Variants in SYNCRIP observed in about 807,000 individuals in gnomAD.
SYNCRIP encodes synaptotagmin binding cytoplasmic RNA interacting protein, also known as heterogeneous nuclear ribonucleoprotein Q.
A neutral mutation model predicts 68.9 loss-of-function variants in SYNCRIP; 9 were observed. The ratio of observed to expected loss-of-function variants is 0.13; its 90% confidence interval spans 0.08 to 0.23. SYNCRIP has a LOEUF of 0.23. Among genes scored for constraint, SYNCRIP ranks in the 10% least tolerant of loss-of-function variants. The pLI, the probability that SYNCRIP is intolerant of heterozygous loss-of-function variation, is 1.00. For synonymous variants in SYNCRIP, 258 were observed against 254.0 expected (o/e 1.02, Z -0.15); for missense variants, 414 against 770.6 (o/e 0.54, Z 5.48).
downstream of SYNCRIP, among the ~76,000 whole-genome samples, chr6:85,613,190 T>TA (rs1195488649): frequency 4.7e-3 from 668 of 141,688 alleles, 2 homozygotes; most frequent in East Asian, 9.3e-3. Context: ...TGATTTTATT[T>TA]AAAAAAAAAA....
intron 4 of SYNCRIP, among the ~76,000 whole-genome samples, chr6:85,637,927 A>T (rs1234223464): frequency 6.6e-6 from 1 of 152,206 alleles, no homozygotes; most frequent in Non-Finnish European, 1.5e-5. Flanking sequence ...CTTCAGAAAA[A>T]AGTAACAGCC....
downstream of SYNCRIP, chr6:85,609,057 G>A (rs1805043483): frequency 6.6e-6 from 1 of 151,468 alleles, no homozygotes; most frequent in Non-Finnish European, 1.5e-5. Context: ...TTTCTTTTAT[G>A]TATTTGTCAC....
chr6:85,633,663 T>C (rs1395095444), intron 6 of SYNCRIP, among the ~76,000 whole-genome samples: 1 of 152,272 alleles, frequency 6.6e-6, no homozygotes, highest in African/African-American at 2.4e-5. Flanking sequence ...TGTATACCAA[T>C]ACCTACCATT....
chr6:85,636,551 T>A (rs986024830), intron 6 of SYNCRIP, among the ~76,000 whole-genome samples: 1 of 152,204 alleles, frequency 6.6e-6, no homozygotes, highest in African/African-American at 2.4e-5. Context: ...CCACTCACCA[T>A]AAAATCTTTT....
In SYNCRIP at chr6:85,640,218, T is replaced by A. The variant is rs560952620; in HGVS notation, c.375+3A>T. ...AAACTAAAGGGAGTATAGAAAGACATACCTTAATTTTTGCCTCATCTGGTC... is the reference window on the plus strand; with the variant it reads ...AAACTAAAGGGAGTATAGAAAGACAAACCTTAATTTTTGCCTCATCTGGTC... On this transcript the variant is annotated splice_donor_region_variant and intron_variant, in intron 4 of 10. Transcript: ENST00000369622. The A allele has an allele frequency of 1.2e-6, 2 of 1,600,916 alleles. No homozygotes were observed. Among genetic ancestry groups the A allele is most frequent in the Admixed American group, 3.4e-5 (2 of 59,692 alleles).
chr6:85,623,317 ACT>A (rs917952470), intron 7 of SYNCRIP, among the ~76,000 whole-genome samples: 4 of 151,930 alleles, frequency 2.6e-5, no homozygotes, highest in African/African-American at 4.8e-5. Flanking sequence ...TAATCGCAAC[ACT>A]CTGGGAGGCC....
chr6:85,641,794 A>C (rs991247898), intron 1 of SYNCRIP, among the ~76,000 whole-genome samples: 6 of 152,158 alleles, frequency 3.9e-5, no homozygotes, highest in Non-Finnish European at 7.4e-5. Context: ...GGAGAAAGCA[A>C]AACTGGGCTC....
chr6:85,628,067 TC>T (rs1294058583), intron 6 of SYNCRIP, among the ~76,000 whole-genome samples: 3 of 152,224 alleles, frequency 2.0e-5, no homozygotes, highest in Admixed American at 6.5e-5. Flanking sequence ...CTTTTTTTTT[TC>T]TTTTTGAGAC....
chr6:85,625,080 A>G (rs891545666), intron 6 of SYNCRIP, among the ~76,000 whole-genome samples: 10 of 152,224 alleles, frequency 6.6e-5, no homozygotes, highest in Non-Finnish European at 1.2e-4. Flanking sequence ...TACACCGGGT[A>G]TAACAGAAGA....
chr6:85,613,018 A>G (rs1327159440), downstream of SYNCRIP: 6 of 1,420,110 alleles, frequency 4.2e-6, no homozygotes, highest in African/African-American at 2.9e-5. Flanking sequence ...AAGCCTTAAC[A>G]TGGTAATTCT....
chr6:85,623,603 T>G lies in SYNCRIP; in HGVS notation c.802+374A>C, dbSNP rs1235475123. Among the ~76,000 whole-genome samples the G allele has an allele frequency of 2.5e-5, 3 of 118,470 alleles. No individual in the cohort carries two copies. In the East Asian group the frequency reaches 8.8e-4, roughly 35 times the overall value. The allele number at this position is 118,470 out of a possible 152,430, so 77.7% of individuals were successfully genotyped here. On this transcript the variant is annotated intron_variant, in intron 7 of 10. Coordinates refer to ENST00000369622, the MANE Select transcript of SYNCRIP (RefSeq NM_006372.5). ...AAAAAACACTCTGCTACGGCAATAC[T>G]TACTACTCCTGTAATTTCAAGAACA... is the stretch of plus-strand genomic sequence containing the variant.
intron 8 of SYNCRIP, among the ~76,000 whole-genome samples, chr6:85,620,066 G>GT (rs1257853510): frequency 1.3e-5 from 2 of 152,128 alleles, no homozygotes; most frequent in South Asian, 2.1e-4. Context: ...GGCCAACACA[G>GT]TAACACCCCG....
At chr6:85,617,474 G>A (rs998747802) in intron 10 of SYNCRIP, among the ~76,000 whole-genome samples, 5 of 152,198 alleles carry the variant, frequency 3.3e-5, no homozygotes, top group African/African-American at 1.2e-4. Flanking sequence ...ATATCCAGGT[G>A]TTTGAAATAT....
intron 10 of SYNCRIP, among the ~76,000 whole-genome samples, chr6:85,616,319 T>C (rs879054702): frequency 2.6e-5 from 4 of 151,668 alleles, no homozygotes; most frequent in African/African-American, 9.8e-5. Context: ...GTACCTGTTA[T>C]GTTATTTTAT....
intron 6 of SYNCRIP, among the ~76,000 whole-genome samples, chr6:85,630,591 C>T (rs1412202475): frequency 6.6e-6 from 1 of 152,184 alleles, no homozygotes; most frequent in African/African-American, 2.4e-5. Context: ...ATGTCTATTT[C>T]CAAACAACCC....
intron 6 of SYNCRIP, among the ~76,000 whole-genome samples, chr6:85,632,920 G>C (rs1272531328): frequency 6.6e-6 from 1 of 151,942 alleles, no homozygotes; most frequent in South Asian, 2.1e-4. Flanking sequence ...GGGCAACAGA[G>C]TGACAACCTG....
intron 4 of SYNCRIP, 24 bp downstream of exon 4, chr6:85,640,197 T>A: frequency 6.6e-7 from 1 of 1,519,358 alleles, no homozygotes; most frequent in Non-Finnish European, 9.1e-7. Flanking sequence ...ACTTTAAAAC[T>A]AAAGGGAGTA....
downstream of SYNCRIP, chr6:85,608,192 G>C (rs1465578430): frequency 1.3e-5 from 2 of 151,972 alleles, no homozygotes; most frequent in Non-Finnish European, 2.9e-5. Context: ...TTCACCATTG[G>C]CTAGTTACTT....
intron 8 of SYNCRIP, among the ~76,000 whole-genome samples, chr6:85,619,691 C>T (rs914146430): frequency 6.6e-6 from 1 of 152,088 alleles, no homozygotes; most frequent in Admixed American, 6.6e-5. Flanking sequence ...ATTCGGAAAC[C>T]GCAAGTCAAA....
Sources: allele counts gnomAD v4.1 joint callset (sites outside exome capture counted in the v4.1 genomes callset), GRCh38; gene constraint gnomAD v4.1.1; transcripts MANE v1.5; gene names NCBI Gene and HGNC (gene_info 2026-07-23, HGNC 2026-07-21).